The following C8orf34 variants were observed in gnomAD, a reference collection of about 807,000 sequenced individuals.
C8orf34 encodes the protein uncharacterized protein C8orf34.
Under a neutral mutation model 68.3 loss-of-function variants are expected in C8orf34, and 65 were observed. That is an observed-to-expected ratio of 0.95 (90% CI 0.78 to 1.17). The LOEUF (loss-of-function observed/expected upper bound fraction) is 1.17, where lower values mean the gene tolerates loss of function less well. C8orf34 is among the 50% of genes most tolerant of loss of function. The pLI is 0.00. For missense variants in C8orf34, 664 were observed against 655.4 expected, an observed-to-expected ratio of 1.01 and a Z score of -0.14; for synonymous variants, 244 against 241.2, an observed-to-expected ratio of 1.01 and a Z score of -0.11.
At chr8:68,577,067 C>T (rs1256628243) in intron 7 of C8orf34, among the ~76,000 whole-genome samples, 2 of 151,798 alleles carry the variant, frequency 1.3e-5, no homozygotes, top group Non-Finnish European at 2.9e-5. Context: ...GTGCTTTTTT[C>T]GATCAGCAAT....
chr8:68,634,053 C>T (rs184149264), intron 7 of C8orf34, among the ~76,000 whole-genome samples: 2 of 152,190 alleles, frequency 1.3e-5, no homozygotes, highest in East Asian at 3.9e-4. Flanking sequence ...GAGGCAATCA[C>T]TTATATACTG....
At chr8:68,606,242 A>G (rs1817849426) in intron 7 of C8orf34, among the ~76,000 whole-genome samples, 1 of 152,152 alleles carries the variant, frequency 6.6e-6, no homozygotes, top group South Asian at 2.1e-4. Flanking sequence ...ATTTGGTAAC[A>G]TGGCTTATAT....
intron 9 of C8orf34, 28 bp from the exon 10 acceptor site, chr8:68,721,333 T>C: frequency 1.4e-6 from 2 of 1,434,676 alleles, no homozygotes; most frequent in Non-Finnish European, 1.9e-6. Context: ...GTGAGTATAA[T>C]TTATTCATTT....
intron 10 of C8orf34, among the ~76,000 whole-genome samples, chr8:68,728,236 G>T (rs1388787719): frequency 6.6e-6 from 1 of 152,134 alleles, no homozygotes; most frequent in Non-Finnish European, 1.5e-5. Flanking sequence ...CATAACAAGA[G>T]TCACCTTTGC....
intron 11 of C8orf34, among the ~76,000 whole-genome samples, chr8:68,779,319 C>T (rs765660206): frequency 4.8e-4 from 73 of 151,910 alleles, no homozygotes; most frequent in Non-Finnish European, 8.2e-4. Context: ...AGTATATATG[C>T]ATCAGGTAAG....
At chr8:68,586,510 C>T (rs150394376) in intron 7 of C8orf34, among the ~76,000 whole-genome samples, 1 of 152,112 alleles carries the variant, frequency 6.6e-6, no homozygotes, top group Admixed American at 6.6e-5. Flanking sequence ...ATCTATTAAT[C>T]CATTTAATCA....
intron 10 of C8orf34, among the ~76,000 whole-genome samples, chr8:68,755,699 A>G (rs1822834437): frequency 6.6e-6 from 1 of 152,178 alleles, no homozygotes; most frequent in Non-Finnish European, 1.5e-5. Context: ...CACCTAGGTA[A>G]CTAGGGGGAA....
intron 8 of C8orf34, among the ~76,000 whole-genome samples, chr8:68,675,299 A>T (rs1187645505): frequency 6.6e-6 from 1 of 152,188 alleles, no homozygotes; most frequent in African/African-American, 2.4e-5. Flanking sequence ...TGGTTTGTAA[A>T]CTATTCATAT....
intron 3 of C8orf34, among the ~76,000 whole-genome samples, chr8:68,467,555 CACTA>C (rs985349153): frequency 3.3e-5 from 5 of 151,920 alleles, no homozygotes; most frequent in African/African-American, 1.2e-4. Context: ...GACTGTCTTT[CACTA>C]TCTTCCCGAG....
At chr8:68,771,020 T>C (rs779620952) in intron 10 of C8orf34, among the ~76,000 whole-genome samples, 6 of 152,180 alleles carry the variant, frequency 3.9e-5, no homozygotes, top group Non-Finnish European at 8.8e-5. Context: ...GTGGTCTGCA[T>C]TGATGCTGTA....
chr8:68,700,168 CA>C (rs1043593730), intron 8 of C8orf34, among the ~76,000 whole-genome samples: 3 of 151,784 alleles, frequency 2.0e-5, no homozygotes, highest in Non-Finnish European at 4.4e-5. Flanking sequence ...AACAAACAAA[CA>C]AAAAAACTAG....
intron 2 of C8orf34, among the ~76,000 whole-genome samples, chr8:68,440,977 T>G (rs1810881161): frequency 1.3e-5 from 2 of 152,088 alleles, no homozygotes; most frequent in Non-Finnish European, 2.9e-5. Context: ...GCTAGTTTTT[T>G]GTATTTTTAG....
intron 1 of C8orf34, among the ~76,000 whole-genome samples, chr8:68,333,179 A>G (rs1452574682): frequency 3.9e-5 from 6 of 152,202 alleles, no homozygotes; most frequent in African/African-American, 1.4e-4. Context: ...TAGAAAATAA[A>G]CTCAAATGGA....
chr8:68,632,041 C>T (rs1295823506), intron 7 of C8orf34, among the ~76,000 whole-genome samples: 1 of 152,128 alleles, frequency 6.6e-6, no homozygotes, highest in Non-Finnish European at 1.5e-5. Flanking sequence ...GGGTAATGGG[C>T]AGTGGCTGGA....
chr8:68,408,926 T>C (rs1258058993), intron 1 of C8orf34, among the ~76,000 whole-genome samples: 1 of 152,048 alleles, frequency 6.6e-6, no homozygotes, highest in African/African-American at 2.4e-5. Context: ...GTAGCTAGGA[T>C]TACAGGCACA....
At chr8:68,560,086 T>C (rs1182192584) in intron 7 of C8orf34, among the ~76,000 whole-genome samples, 1 of 151,760 alleles carries the variant, frequency 6.6e-6, no homozygotes, top group African/African-American at 2.4e-5. Flanking sequence ...ATTAAATGGT[T>C]TGGAAATCAG....
chr8:68,521,269 A>T (rs1814743583), intron 5 of C8orf34, among the ~76,000 whole-genome samples: 1 of 152,204 alleles, frequency 6.6e-6, no homozygotes, highest in South Asian at 2.1e-4. Flanking sequence ...CAGATTACTA[A>T]CATTTGTTGA....
Position 68,528,513 on chromosome 8 carries a change from G to C in C8orf34, c.939-4470G>C, listed in dbSNP as rs530293879. ...CCTTGGATATGCCCTCAAGTCTTCT[G>C]CTCCTCTTTTCCTGTTTTACTCTCC... is the stretch of plus-strand genomic sequence containing the variant. On this transcript the variant is annotated intron_variant, in intron 6 of 13. Coordinates refer to ENST00000518698, the MANE Select transcript of C8orf34 (RefSeq NM_052958.4). 2.2e-3 allele frequency among the ~76,000 whole-genome samples: 335 copies of C among 152,130 alleles called. 1 individual carries two copies. Among genetic ancestry groups the C allele is most frequent in the African/African-American group, 8.0e-3 (332 of 41,512 alleles).
chr8:68,677,673 A>G (rs886084515), intron 8 of C8orf34, among the ~76,000 whole-genome samples: 1 of 152,140 alleles, frequency 6.6e-6, no homozygotes, highest in Non-Finnish European at 1.5e-5. Context: ...TGCATCTTAA[A>G]GAACTAGAAA....
Sources: gnomAD v4.1 joint callset for allele counts (sites outside exome capture counted in the v4.1 genomes callset) on GRCh38, gnomAD v4.1.1 for gene constraint, MANE v1.5 for transcripts, NCBI Gene and HGNC (gene_info 2026-07-23, HGNC 2026-07-21) for gene names.